Variants in FAM161A observed in about 807,000 individuals in gnomAD.
FAM161A encodes protein FAM161A.
FAM161A carries 57 observed loss-of-function variants against 70.9 expected under a neutral mutation model. That is an observed-to-expected ratio of 0.80 (90% confidence interval 0.65 to 1.00). The LOEUF is 1.00. FAM161A is among the 50% of genes least tolerant of loss of function. The pLI is 0.00. For synonymous variants in FAM161A, 299 were observed against 295.7 expected (o/e 1.01, Z -0.12); for missense variants, 880 against 836.0 (o/e 1.05, Z -0.65).
chr2:61,828,439 C>T (rs1672456160), intron 5 of FAM161A, among the ~76,000 whole-genome samples: 1 of 152,118 alleles, frequency 6.6e-6, no homozygotes, highest in Non-Finnish European at 1.5e-5. Context: ...AGCGATCCTC[C>T]CACCTCAGCC....
intron 4 of FAM161A, chr2:61,836,872 C>T (rs935719057): frequency 4.4e-6 from 1 of 229,828 alleles, no homozygotes. Context: ...TTGCGCCTGG[C>T]CTATTAATTT....
At chr2:61,811,293 G>C in the FAM161A span, among the ~76,000 whole-genome samples, 1 of 152,072 alleles carries the variant, frequency 6.6e-6, no homozygotes, top group African/African-American at 2.4e-5. Flanking sequence ...AACTTCCTAG[G>C]CTCAAGCAAT....
At chr2:61,813,829 C>T in the FAM161A span, among the ~76,000 whole-genome samples, 8 of 151,854 alleles carry the variant, frequency 5.3e-5, no homozygotes, top group East Asian at 1.9e-4. Flanking sequence ...ATGTATTGGT[C>T]GTTCACTCAA....
chr2:61,846,161 A>T (rs899235744), intron 1 of FAM161A, among the ~76,000 whole-genome samples: 3 of 151,414 alleles, frequency 2.0e-5, no homozygotes, highest in Admixed American at 1.3e-4. Context: ...AAAGAAGGGG[A>T]AAGTACCCTA....
chr2:61,831,807 T>A (rs1672585284), intron 5 of FAM161A, among the ~76,000 whole-genome samples: 1 of 152,130 alleles, frequency 6.6e-6, no homozygotes, highest in African/African-American at 2.4e-5. Flanking sequence ...AGCTTCCAAA[T>A]AGCTTTGTGC....
In FAM161A at chr2:61,842,377, A is replaced by T. The variant is rs142337109; in HGVS notation, c.184-17T>A. ...CAAATCAGCCTGGTGGGGAGAAAAC[A>T]CTTGATATATAGTGACTGGAGCTGA... On this transcript the variant is annotated splice_polypyrimidine_tract_variant and intron_variant, in intron 1 of 6. Transcript: ENST00000404929. The T allele has an allele frequency of 6.0e-4, 874 of 1,466,544 alleles. 1 individual carries two copies. In the African/African-American group the frequency reaches 8.8e-3, roughly 15 times the overall value. The allele number at this position is 1,466,544 out of a possible 1,614,324, so 90.8% of individuals were successfully genotyped here.
At chr2:61,841,872 T>G (rs1476075668) in intron 2 of FAM161A, among the ~76,000 whole-genome samples, 1 of 152,222 alleles carries the variant, frequency 6.6e-6, no homozygotes, top group Non-Finnish European at 1.5e-5. Context: ...CTAAGTATTT[T>G]GATACATGCC....
chr2:61,849,611 C>T (rs946326870), intron 1 of FAM161A, among the ~76,000 whole-genome samples: 1 of 151,592 alleles, frequency 6.6e-6, no homozygotes, highest in African/African-American at 2.4e-5. Flanking sequence ...ATGGTAAAAC[C>T]CCGTCTCTAC....
chr2:61,834,926 A>G (rs144028393), intron 5 of FAM161A, among the ~76,000 whole-genome samples: 31 of 152,344 alleles, frequency 2.0e-4, no homozygotes, highest in African/African-American at 6.0e-4. Context: ...GCCAAAAGCC[A>G]ATCACTTTAT....
At chr2:61,834,690 T>C (rs1327144636) in intron 5 of FAM161A, among the ~76,000 whole-genome samples, 2 of 152,140 alleles carry the variant, frequency 1.3e-5, no homozygotes, top group African/African-American at 4.8e-5. Flanking sequence ...CTCGAACCAC[T>C]GACCTTAGGT....
the FAM161A span, among the ~76,000 whole-genome samples, chr2:61,807,577 G>T: frequency 6.7e-6 from 1 of 150,176 alleles, no homozygotes; most frequent in Non-Finnish European, 1.5e-5. Context: ...CAAAGTGGGG[G>T]ACTTTGCAGA....
chr2:61,801,377 A>T, the FAM161A span, among the ~76,000 whole-genome samples: 1 of 151,604 alleles, frequency 6.6e-6, no homozygotes, highest in Non-Finnish European at 1.5e-5. Flanking sequence ...GGCGCCTGTA[A>T]TCCCAGCTAC....
At chr2:61,845,627 A>G (rs1673177201) in intron 1 of FAM161A, among the ~76,000 whole-genome samples, 1 of 151,988 alleles carries the variant, frequency 6.6e-6, no homozygotes, top group African/African-American at 2.4e-5. Flanking sequence ...GTTCCAGACC[A>G]GCCTGGGCAA....
the FAM161A span, among the ~76,000 whole-genome samples, chr2:61,810,951 C>T: frequency 6.6e-6 from 1 of 152,176 alleles, no homozygotes; most frequent in East Asian, 1.9e-4. Context: ...GACAGGACAT[C>T]ACAGCATCTG....
At chr2:61,800,317 C>A in the FAM161A span, among the ~76,000 whole-genome samples, 1 of 152,226 alleles carries the variant, frequency 6.6e-6, no homozygotes, top group Non-Finnish European at 1.5e-5. Context: ...AGCATTGCGT[C>A]TGCATGCATG....
chr2:61,843,879 C>G (rs1431227429), intron 1 of FAM161A, among the ~76,000 whole-genome samples: 7 of 152,162 alleles, frequency 4.6e-5, no homozygotes. Context: ...CACGGTGGCT[C>G]ACGCCTATAA....
At chr2:61,815,535 C>CTTTTTTTT in the FAM161A span, among the ~76,000 whole-genome samples, 34 of 53,238 alleles carry the variant, frequency 6.4e-4, 1 homozygote, top group East Asian at 9.9e-4. Flanking sequence ...AAAGATGTGT[C>CTTTTTTTT]TTTTTTTTTT....
chr2:61,804,892 C>T, the FAM161A span, among the ~76,000 whole-genome samples: 7 of 151,950 alleles, frequency 4.6e-5, no homozygotes, highest in Non-Finnish European at 7.4e-5. Flanking sequence ...AGATAACCTC[C>T]TAACAGATCC....
chr2:61,833,558 C>A (rs1007050386), intron 5 of FAM161A, among the ~76,000 whole-genome samples: 4 of 151,894 alleles, frequency 2.6e-5, no homozygotes, highest in African/African-American at 7.3e-5. Flanking sequence ...GATGGAAAGA[C>A]GTTGAAAGGG....
Sources: gnomAD v4.1 joint callset for allele counts (sites outside exome capture counted in the v4.1 genomes callset) on GRCh38, gnomAD v4.1.1 for gene constraint, MANE v1.5 for transcripts, NCBI Gene and HGNC (gene_info 2026-07-23, HGNC 2026-07-21) for gene names.